Variants in KDR observed in about 807,000 individuals in gnomAD.
KDR encodes the protein kinase insert domain receptor.
KDR carries 43 observed loss-of-function variants against 160.9 expected under a neutral mutation model. The observed-to-expected ratio is 0.27, with a 90% CI of 0.21 to 0.34. The LOEUF is 0.34. Ranked by LOEUF, KDR falls within the 10% of genes least tolerant of loss-of-function variation. The pLI is 1.00. For synonymous variants in KDR, 617 were observed against 600.1 expected (o/e 1.03, Z -0.41); for missense variants, 1,469 against 1,666.4 (o/e 0.88, Z 2.06).
In KDR at chr4:55,094,986, C is replaced by T. The variant is rs368765969; in HGVS notation, c.2818-31G>A. The T allele has an allele frequency of 1.2e-4, 187 of 1,607,610 alleles. No homozygotes were observed. The African/African-American group carries it at 2.3e-3, about 20-fold the overall frequency. On this transcript the variant is annotated intron_variant, in intron 20 of 29. Transcript: ENST00000263923. ...AAAAAGCAAAGGAACAAACAAACTC[C>T]TTGAATACAAAATGAGTCTTTAAAA...
intron 18 of KDR, among the ~76,000 whole-genome samples, chr4:55,097,378 T>C (rs572095871): frequency 3.3e-5 from 5 of 152,274 alleles, no homozygotes; most frequent in South Asian, 4.2e-4. Flanking sequence ...CCTTTTTCCC[T>C]GTACCCAGAA....
intron 3 of KDR, among the ~76,000 whole-genome samples, chr4:55,116,993 C>T (rs1214523406): frequency 6.6e-6 from 1 of 151,480 alleles, no homozygotes; most frequent in East Asian, 1.9e-4. Context: ...CAAAGACAGG[C>T]AGTGTACCAA....
At chr4:55,124,049 G>A (rs192498118) in intron 1 of KDR, among the ~76,000 whole-genome samples, 1 of 152,308 alleles carries the variant, frequency 6.6e-6, no homozygotes, top group East Asian at 1.9e-4. Flanking sequence ...GGCTTGTCTG[G>A]GACAAATGAG....
At chr4:55,083,165 G>T (rs1267548215) in intron 27 of KDR, among the ~76,000 whole-genome samples, 2 of 152,162 alleles carry the variant, frequency 1.3e-5, no homozygotes, top group Non-Finnish European at 2.9e-5. Context: ...ACAGAGGCTT[G>T]GTGTGCAAAG....
At position 55,104,738 on chromosome 4, in the gene KDR, T is replaced by C. The variant is rs199545268; in HGVS notation, c.1892A>G (p.Asn631Ser). ...GTCTCCTTGGTCCTGCAAGGATGCA[T>C]TCTTAAGCTCCATGATCAAAATGTC... ...TNDILIMELK[N>S]ASLQDQGDYV... Residue 631 changes from asparagine (N) to serine (S), a missense_variant, in exon 13 of 30, where the codon AAT (asparagine) becomes AGT (serine). Physicochemically the swap from Asn to Ser is conservative, Grantham distance 46. Transcript: ENST00000263923. 3 of 1,613,964 alleles carry C rather than the reference T, an allele frequency of 1.9e-6. No individual in the cohort carries two copies. The highest frequency in any genetic ancestry group is 2.5e-6 in the Non-Finnish European group (3 of 1,179,894).
At chr4:55,121,830 TTATG>T (rs1720885870) in intron 1 of KDR, among the ~76,000 whole-genome samples, 1 of 152,164 alleles carries the variant, frequency 6.6e-6, no homozygotes, top group Non-Finnish European at 1.5e-5. Flanking sequence ...TAATATACTT[TTATG>T]TATGTGTGGA....
rs1720406558 is a variant in KDR, at chr4:55,104,964, G to A, written c.1666C>T (p.Gln556Ter). 6.2e-7 allele frequency: 1 copy of A among 1,613,630 alleles called. No individual in the cohort carries two copies. Among genetic ancestry groups the A allele is most frequent in the Admixed American group, 1.7e-5 (1 of 59,974 alleles). ...TGCTCAGTGGGCTGCATGTCAGGTT[G>A]CAAAGTAATTTCAGGACCCCCTAAA... ...HVTRGPEITL[Q>*]PDMQPTEQES... is the part of the protein sequence containing the mutation. Residue 556 changes from glutamine (Q) to a stop codon, truncating the protein, a stop_gained, in exon 13 of 30, where the codon CAA becomes TAA. Transcript: ENST00000263923. LOFTEE classifies it high-confidence loss of function.
chr4:55,098,764 A>G lies in KDR; in HGVS notation c.2306T>C (p.Val769Ala), dbSNP rs866146654. 1 of 1,613,346 alleles carries G rather than the reference A, an allele frequency of 6.2e-7. No homozygotes were observed. The highest frequency in any genetic ancestry group is 8.5e-7 in the Non-Finnish European group (1 of 1,179,474). ...EKTNLEIIIL[V>A]GTAVIAMFFW... ...GAACATGGCAATCACCGCCGTGCCTACTAGAATAATGATTTCCAAGTTCGT... is the reference window on the plus strand; with the variant it reads ...GAACATGGCAATCACCGCCGTGCCTGCTAGAATAATGATTTCCAAGTTCGT... The change falls in exon 16 of 30, where the codon GTA (valine) becomes GCA (alanine). Residue 769 changes from valine to alanine, a missense_variant. Coordinates refer to ENST00000263923, the MANE Select transcript of KDR (RefSeq NM_002253.4).
intron 2 of KDR, 141 bp from the exon 3 acceptor site, chr4:55,118,941 G>A (rs1467070533): frequency 2.7e-6 from 2 of 735,466 alleles, no homozygotes; most frequent in East Asian, 2.7e-5. Context: ...AGGCATGGTG[G>A]CTCATGCCTA....
In KDR at chr4:55,118,788, G is replaced by A. The variant is rs930395618; in HGVS notation, c.174C>T (p.Asp58=). 2 of 1,614,038 alleles carry A rather than the reference G, an allele frequency of 1.2e-6. No individual in the cohort carries two copies. The highest frequency in any genetic ancestry group is 2.2e-5 in the South Asian group (2 of 91,082). The change falls in exon 3 of 30, where the codon GAC becomes GAT. Residue 58 remains aspartate, a synonymous_variant. Transcript: ENST00000263923. The part of the protein sequence containing the change: ...TLQITCRGQR[D]LDWLWPNNQS... ...GATTATTGGGCCAAAGCCAGTCCAA[G>A]TCCCTCTGTCCCCTGAAAAATTAAT...
chr4:55,114,264 C>G lies in KDR; in HGVS notation c.660G>C (p.Gly220=). The part of the protein sequence containing the change: ...QSIMYIVVVV[G]YRIYDVVLSP... ...TCAGAACCACATCATAAATCCTATA[C>G]CCTAGAGCAAGTAAATTGAAAAAAC... is the stretch of plus-strand genomic sequence containing the variant. The change falls in exon 6 of 30, where the codon GGG becomes GGC. Residue 220 remains glycine, a splice_region_variant and synonymous_variant. Transcript: ENST00000263923. The G allele has an allele frequency of 6.2e-7, 1 of 1,613,586 alleles. No individual in the cohort carries two copies. Among genetic ancestry groups the G allele is most frequent in the Non-Finnish European group, 8.5e-7 (1 of 1,179,734 alleles).
chr4:55,112,835 A>C (rs1463185122), intron 7 of KDR, among the ~76,000 whole-genome samples: 1 of 152,016 alleles, frequency 6.6e-6, no homozygotes, highest in Non-Finnish European at 1.5e-5. Context: ...CGGCCTATAC[A>C]TGGATTTTTG....
chr4:55,112,775 C>T (rs1260703182), intron 7 of KDR, among the ~76,000 whole-genome samples: 1 of 152,042 alleles, frequency 6.6e-6, no homozygotes, highest in Non-Finnish European at 1.5e-5. Flanking sequence ...GGTGATCCAC[C>T]CACCTCAGAC....
chr4:55,104,489 C>T (rs1239721840), intron 13 of KDR, 154 bp downstream of exon 13: 2 of 687,524 alleles, frequency 2.9e-6, no homozygotes, highest in African/African-American at 1.8e-5. Context: ...TTATTATTAG[C>T]TTCTTTCTTC....
chr4:55,110,593 G>A (rs2110027727), intron 8 of KDR, 27 bp from the exon 9 acceptor site: 1 of 1,612,864 alleles, frequency 6.2e-7, no homozygotes, highest in Non-Finnish European at 8.5e-7. Context: ...TCAGGAATTA[G>A]TATAGTCAAA....
At chr4:55,121,220 T>G in intron 1 of KDR, 30 bp from the exon 2 acceptor site, 1 of 1,537,434 alleles carries the variant, frequency 6.5e-7, no homozygotes, top group Non-Finnish European at 9.0e-7. Flanking sequence ...ATGAATGTAG[T>G]TGCCACTGAG....
At chr4:55,086,562 T>C (rs1719869634) in intron 27 of KDR, among the ~76,000 whole-genome samples, 1 of 152,236 alleles carries the variant, frequency 6.6e-6, no homozygotes, top group East Asian at 1.9e-4. Context: ...ACTCTGAGTG[T>C]CATGATGTGG....
rs1720562459 is a variant in KDR at position 55,110,781 on chromosome 4, A to AAT, written c.977-14_977-13insAT. On this transcript the variant is annotated splice_polypyrimidine_tract_variant and intron_variant, in intron 7 of 29. Coordinates refer to ENST00000263923, the MANE Select transcript of KDR (RefSeq NM_002253.4). ...ACAAAAGGTTTTTCTGGAAGAAAAT[A>AAT]AAAAAAAAAAAAGGTCAACTTACTG... is the stretch of plus-strand genomic sequence containing the variant. 1.1e-6 allele frequency: 1 copy of AAT among 875,008 alleles called. No homozygotes were observed. Among genetic ancestry groups the AAT allele is most frequent in the African/African-American group, 4.1e-5 (1 of 24,386 alleles). The allele number at this position is 875,008 out of a possible 1,614,324, so 54.2% of individuals were successfully genotyped here.
At chr4:55,108,137 G>T (rs1314173052) in intron 9 of KDR, among the ~76,000 whole-genome samples, 2 of 149,932 alleles carry the variant, frequency 1.3e-5, no homozygotes, top group Non-Finnish European at 3.0e-5. Flanking sequence ...AAGGTAGGTG[G>T]ATCGCTTAAG....
Sources: allele counts gnomAD v4.1 joint callset (sites outside exome capture counted in the v4.1 genomes callset), GRCh38; gene constraint gnomAD v4.1.1; transcripts MANE v1.5; gene names NCBI Gene and HGNC (gene_info 2026-07-23, HGNC 2026-07-21).